CECR2: variants seen among roughly 807,000 people sequenced by gnomAD.
The protein encoded by CECR2 is CECR2 histone acetyl-lysine reader, also known as chromatin remodeling regulator CECR2.
CECR2 carries 30 observed loss-of-function variants against 154.5 expected under a neutral mutation model. That is an observed-to-expected ratio of 0.19 (90% CI 0.15 to 0.26). The LOEUF (loss-of-function observed/expected upper bound fraction) is 0.26, where lower values mean the gene tolerates loss of function less well. Ranked by LOEUF, CECR2 falls within the 10% of genes least tolerant of loss-of-function variation. CECR2 has a pLI of 1.00. For synonymous variants in CECR2, 725 were observed against 683.7 expected (o/e 1.06, Z -0.94); for missense variants, 1,743 against 1,829.3 (o/e 0.95, Z 0.86).
intron 1 of CECR2, among the ~76,000 whole-genome samples, chr22:17,371,704 CT>C (rs1337303796): frequency 1.3e-5 from 2 of 152,164 alleles, no homozygotes; most frequent in Non-Finnish European, 2.9e-5. Context: ...AGTCCCTTTT[CT>C]TCCTTGCGAG....
intron 1 of CECR2, among the ~76,000 whole-genome samples, chr22:17,456,840 A>G (rs1179334462): frequency 6.6e-6 from 1 of 152,208 alleles, no homozygotes; most frequent in Non-Finnish European, 1.5e-5. Context: ...TTGTAGATAT[A>G]TTGTTACTCT....
intron 1 of CECR2, among the ~76,000 whole-genome samples, chr22:17,457,485 G>A (rs1416855464): frequency 6.6e-6 from 1 of 152,062 alleles, no homozygotes; most frequent in Non-Finnish European, 1.5e-5. Flanking sequence ...AATTTTTTGA[G>A]CTATAGCCTA....
intron 8 of CECR2, among the ~76,000 whole-genome samples, chr22:17,517,609 C>T (rs2056081742): frequency 6.6e-6 from 1 of 152,136 alleles, no homozygotes; most frequent in Admixed American, 6.5e-5. Flanking sequence ...TTTCTAATGG[C>T]CGGTTAAATA....
intron 1 of CECR2, among the ~76,000 whole-genome samples, chr22:17,457,170 G>A (rs2054867039): frequency 6.6e-6 from 1 of 152,246 alleles, no homozygotes; most frequent in Non-Finnish European, 1.5e-5. Flanking sequence ...TGGAATTACA[G>A]ACATACGCCA....
intron 8 of CECR2, among the ~76,000 whole-genome samples, chr22:17,513,456 G>T (rs2055996674): frequency 6.6e-6 from 1 of 152,176 alleles, no homozygotes; most frequent in Non-Finnish European, 1.5e-5. Context: ...GATCTTGTCA[G>T]TAACTAAACA....
intron 18 of CECR2, among the ~76,000 whole-genome samples, chr22:17,552,355 C>T (rs1394913316): frequency 2.6e-5 from 4 of 152,146 alleles, no homozygotes; most frequent in African/African-American, 4.8e-5. Context: ...ATATGGAATG[C>T]ATACCTATTT....
chr22:17,540,693 A>T lies in CECR2; in HGVS notation c.1777A>T (p.Ser593Cys), dbSNP rs184360323. The part of the protein sequence containing the change: ...APSSGDDQSS[S>C]STQPPREVGT... ...CTCTTCTGGGGACGATCAGAGCAGC[A>T]GCTCCACACAGCCCCCGCGGGAGGT... The change falls in exon 14 of 19, where the codon AGC (serine) becomes TGC (cysteine). Residue 593 changes from serine (S) to cysteine (C), a missense_variant. Transcript: ENST00000262608. 1 of 1,613,872 alleles carries T rather than the reference A, an allele frequency of 6.2e-7. No homozygotes were observed. The highest frequency in any genetic ancestry group is 8.5e-7 in the Non-Finnish European group (1 of 1,179,832).
chr22:17,421,807 C>T (rs1299065797), intron 1 of CECR2, among the ~76,000 whole-genome samples: 1 of 150,074 alleles, frequency 6.7e-6, no homozygotes, highest in East Asian at 2.0e-4. Flanking sequence ...TGGGTGTTCC[C>T]TTCCCTTGGG....
chr22:17,413,894 G>T lies in CECR2; in HGVS notation c.126+43985G>T, dbSNP rs998230197. 3.7e-4 allele frequency among the ~76,000 whole-genome samples: 55 copies of T among 149,606 alleles called. 1 individual carries two copies. Among genetic ancestry groups the T allele is most frequent in the Non-Finnish European group, 1.2e-4 (8 of 67,654 alleles). On this transcript the variant is annotated intron_variant, in intron 1 of 18. Coordinates refer to ENST00000262608, the MANE Select transcript of CECR2 (RefSeq NM_001290047.2). ...GGGTTTCACCATGGTAGCCAGGATGGTCTCGATCACCTGACCTTGTGATCC... is the reference window on the plus strand; with the variant it reads ...GGGTTTCACCATGGTAGCCAGGATGTTCTCGATCACCTGACCTTGTGATCC...
At position 17,415,195 on chromosome 22, in the gene CECR2, A is replaced by AT. The variant is rs757670982; in HGVS notation, c.126+45292dup. On this transcript the variant is annotated intron_variant, in intron 1 of 18. Transcript: ENST00000262608. ...TAGTCTCAGTTATTGACTTTTCTTT[A>AT]TTTTTTCAGCTGAAATGAAGCTTCT... 4.0e-5 allele frequency among the ~76,000 whole-genome samples: 6 copies of AT among 151,790 alleles called. 2 individuals are homozygous for AT. Among genetic ancestry groups the AT allele is most frequent in the East Asian group, 1.9e-4 (1 of 5,142 alleles).
chr22:17,481,049 T>TAAAAAAAAAAAAAAAAAAAAAAAAAAAA (rs572712907), intron 2 of CECR2, among the ~76,000 whole-genome samples: 2 of 92,066 alleles, frequency 2.2e-5, no homozygotes, highest in African/African-American at 3.7e-5. Flanking sequence ...CTTTTTTTTT[T>TAAAAAAAAAAAAAAAAAAAAAAAAAAAA]AAAAAAAAAA....
rs200917462 is a variant in CECR2 at position 17,422,095 on chromosome 22, GT to G, written c.126+52195del. 9.5e-4 allele frequency among the ~76,000 whole-genome samples: 143 copies of G among 150,738 alleles called. 1 individual carries two copies. The highest frequency in any genetic ancestry group is 2.2e-3 in the African/African-American group (92 of 41,052). Reference sequence around the variant, plus strand: ...AATTCTTATCGTCTATAGAGAAGGTGTTTTTTTTTCCCCCCTCTGGCCTCTT... The same window carrying G: ...AATTCTTATCGTCTATAGAGAAGGTGTTTTTTTTCCCCCCTCTGGCCTCTT... On this transcript the variant is annotated intron_variant, in intron 1 of 18. Transcript: ENST00000262608.
chr22:17,533,213 G>A (rs1394593954), intron 9 of CECR2, among the ~76,000 whole-genome samples: 1 of 151,474 alleles, frequency 6.6e-6, no homozygotes, highest in African/African-American at 2.4e-5. Context: ...CTAGCTACTT[G>A]AGAGGCTGAG....
intron 4 of CECR2, 28 bp downstream of exon 4, chr22:17,499,577 A>T (rs1388451181): frequency 6.4e-7 from 1 of 1,573,170 alleles, no homozygotes. Flanking sequence ...AGGGCATGAT[A>T]GCTACTGTAT....
chr22:17,386,093 G>C (rs1468920995), intron 1 of CECR2, among the ~76,000 whole-genome samples: 1 of 152,202 alleles, frequency 6.6e-6, no homozygotes, highest in South Asian at 2.1e-4. Context: ...TCATACGGTG[G>C]TACCACTCAT....
rs567354825 is a variant in CECR2 at position 17,459,787 on chromosome 22, G to T, written c.127-17801G>T. Reference sequence around the variant, plus strand: ...CACTCTTTGAAAATCTTCAACACAGGAAACCTGGCTTTTCACATGGGTTTT... The same window carrying T: ...CACTCTTTGAAAATCTTCAACACAGTAAACCTGGCTTTTCACATGGGTTTT... On this transcript the variant is annotated intron_variant, in intron 1 of 18. Transcript: ENST00000262608. 1.1e-4 allele frequency among the ~76,000 whole-genome samples: 16 copies of T among 152,296 alleles called. 1 individual carries two copies. The highest frequency in any genetic ancestry group is 3.4e-4 in the African/African-American group (14 of 41,548).
chr22:17,441,796 A>T (rs1410825214), intron 1 of CECR2, among the ~76,000 whole-genome samples: 2 of 152,254 alleles, frequency 1.3e-5, no homozygotes, highest in African/African-American at 4.8e-5. Flanking sequence ...GTTTGGCTAA[A>T]GTCCTTTATG....
intron 1 of CECR2, among the ~76,000 whole-genome samples, chr22:17,360,350 T>C (rs980144638): frequency 1.3e-5 from 2 of 152,186 alleles, no homozygotes; most frequent in African/African-American, 4.8e-5. Flanking sequence ...TACTCCAGCT[T>C]GTACAACATC....
intron 1 of CECR2, among the ~76,000 whole-genome samples, chr22:17,453,734 G>A (rs1208300209): frequency 6.6e-6 from 1 of 152,114 alleles, no homozygotes; most frequent in African/African-American, 2.4e-5. Flanking sequence ...ACTTTGATAA[G>A]TTTTGTCTGA....
Sources: gnomAD v4.1 joint callset for allele counts (sites outside exome capture counted in the v4.1 genomes callset) on GRCh38, gnomAD v4.1.1 for gene constraint, MANE v1.5 for transcripts, NCBI Gene and HGNC (gene_info 2026-07-23, HGNC 2026-07-21) for gene names.